HECW2: variants seen among roughly 807,000 people sequenced by gnomAD.
HECW2 encodes E3 ubiquitin-protein ligase HECW2.
Under a neutral mutation model 175.2 loss-of-function variants are expected in HECW2, and 61 were observed. That is an observed-to-expected ratio of 0.35 (90% CI 0.28 to 0.43). The LOEUF (loss-of-function observed/expected upper bound fraction) is 0.43, where lower values mean the gene tolerates loss of function less well. Ranked by LOEUF, HECW2 falls within the 20% of genes least tolerant of loss-of-function variation. HECW2 has a pLI of 1.00. For synonymous variants in HECW2, 671 were observed against 731.0 expected, an observed-to-expected ratio of 0.92 and a Z score of 1.32; for missense variants, 1,524 against 2,000.5, an observed-to-expected ratio of 0.76 and a Z score of 4.54.
At chr2:196,448,482 C>T (rs1244305293) in intron 1 of HECW2, among the ~76,000 whole-genome samples, 1 of 152,152 alleles carries the variant, frequency 6.6e-6, no homozygotes, top group Non-Finnish European at 1.5e-5. Context: ...AAAGCTATAT[C>T]ATATGGAACC....
chr2:196,482,525 C>T (rs1686876054), intron 1 of HECW2, among the ~76,000 whole-genome samples: 1 of 152,176 alleles, frequency 6.6e-6, no homozygotes, highest in African/African-American at 2.4e-5. Flanking sequence ...CTACAAGATA[C>T]CACAGGGTAT....
intron 10 of HECW2, among the ~76,000 whole-genome samples, chr2:196,309,568 C>T (rs758051951): frequency 6.6e-5 from 10 of 151,782 alleles, no homozygotes; most frequent in Non-Finnish European, 1.2e-4. Flanking sequence ...CACTGTTTTG[C>T]TCTGCTCCTT....
Position 196,547,103 on chromosome 2 carries a change from T to C in HECW2, c.-36+46405A>G, listed in dbSNP as rs140906128. Among the ~76,000 whole-genome samples the C allele has an allele frequency of 2.0e-5, 3 of 152,352 alleles. No individual in the cohort carries two copies. The East Asian group carries it at 5.8e-4, about 29-fold the overall frequency. ...GTCTCTTAAAGTTTTCAGCTATCTTTACCTCTAGTAAAGAGCTGAGGTTCT... is the reference window on the plus strand; with the variant it reads ...GTCTCTTAAAGTTTTCAGCTATCTTCACCTCTAGTAAAGAGCTGAGGTTCT... On this transcript the variant is annotated intron_variant, in intron 1 of 28. Transcript: ENST00000644978.
At chr2:196,388,503 T>TG (rs1694416074) in intron 2 of HECW2, among the ~76,000 whole-genome samples, 1 of 152,152 alleles carries the variant, frequency 6.6e-6, no homozygotes, top group African/African-American at 2.4e-5. Context: ...ATGTTACCTG[T>TG]GGGGGAAACT....
intron 1 of HECW2, among the ~76,000 whole-genome samples, chr2:196,520,091 G>A (rs1253857634): frequency 2.0e-5 from 3 of 152,174 alleles, no homozygotes; most frequent in Non-Finnish European, 4.4e-5. Flanking sequence ...AACTGAAAAA[G>A]GGTATTTATG....
At chr2:196,375,171 G>A (rs7419740) in intron 2 of HECW2, among the ~76,000 whole-genome samples, 14 of 148,790 alleles carry the variant, frequency 9.4e-5, no homozygotes, top group African/African-American at 1.5e-4. Flanking sequence ...AAAAAAAAAA[G>A]AAAGAAAAAA....
At chr2:196,279,074 A>G (rs1166234222) in intron 14 of HECW2, among the ~76,000 whole-genome samples, 1 of 151,732 alleles carries the variant, frequency 6.6e-6, no homozygotes, top group Non-Finnish European at 1.5e-5. Flanking sequence ...TTTGAGACGG[A>G]GTCTCGCTCT....
intron 1 of HECW2, among the ~76,000 whole-genome samples, chr2:196,554,398 G>C (rs1268798712): frequency 3.3e-5 from 5 of 152,156 alleles, no homozygotes; most frequent in Non-Finnish European, 4.4e-5. Flanking sequence ...GCTCATCATC[G>C]TATTGATGTT....
intron 17 of HECW2, among the ~76,000 whole-genome samples, chr2:196,265,188 A>G (rs932670952): frequency 7.2e-5 from 11 of 152,174 alleles, no homozygotes; most frequent in African/African-American, 2.7e-4. Flanking sequence ...ACAAATTAAT[A>G]GTTGAATTAA....
At chr2:196,238,839 C>T (rs931500559) in intron 21 of HECW2, 7 of 152,196 alleles carry the variant, frequency 4.6e-5, no homozygotes, top group Non-Finnish European at 1.0e-4. Context: ...TTAATCCACA[C>T]CATGAGGAGA....
intron 1 of HECW2, among the ~76,000 whole-genome samples, chr2:196,462,556 C>A (rs1157821175): frequency 2.0e-5 from 3 of 152,120 alleles, no homozygotes; most frequent in African/African-American, 7.2e-5. Context: ...AGAAACATAA[C>A]CAAAACAGGT....
chr2:196,211,157 AT>A (rs1377482527), intron 28 of HECW2, among the ~76,000 whole-genome samples: 1 of 151,544 alleles, frequency 6.6e-6, no homozygotes, highest in Non-Finnish European at 1.5e-5. Context: ...CCCCATGACG[AT>A]TGCAGCTCTC....
chr2:196,473,284 C>A (rs1282226461), intron 1 of HECW2, among the ~76,000 whole-genome samples: 1 of 152,188 alleles, frequency 6.6e-6, no homozygotes, highest in Non-Finnish European at 1.5e-5. Flanking sequence ...AATATTGGAA[C>A]TATGTGTTTT....
At chr2:196,365,580 G>T (rs543312255) in intron 2 of HECW2, among the ~76,000 whole-genome samples, 1 of 152,046 alleles carries the variant, frequency 6.6e-6, no homozygotes, top group Non-Finnish European at 1.5e-5. Context: ...TGTTTCAATG[G>T]GAATACACAT....
chr2:196,234,131 C>T (rs1688154943), intron 21 of HECW2, among the ~76,000 whole-genome samples: 1 of 152,138 alleles, frequency 6.6e-6, no homozygotes, highest in Non-Finnish European at 1.5e-5. Context: ...AAGAAAGGTG[C>T]CTTTTACAGG....
intron 1 of HECW2, among the ~76,000 whole-genome samples, chr2:196,578,331 A>G (rs530770225): frequency 6.6e-6 from 1 of 152,166 alleles, no homozygotes; most frequent in African/African-American, 2.4e-5. Flanking sequence ...GAATAGAAAG[A>G]AAAAGAACAA....
At chr2:196,252,863 C>G (rs772706825) in intron 19 of HECW2, among the ~76,000 whole-genome samples, 1 of 151,916 alleles carries the variant, frequency 6.6e-6, no homozygotes, top group African/African-American at 2.4e-5. Context: ...AATACCCCAT[C>G]CCCAGCCCTG....
chr2:196,204,671 T>C (rs1431542517), intron 28 of HECW2, among the ~76,000 whole-genome samples: 3 of 152,224 alleles, frequency 2.0e-5, no homozygotes, highest in African/African-American at 7.2e-5. Flanking sequence ...ATCATAAATG[T>C]GTGTTGTTTT....
chr2:196,485,131 C>A (rs1323497766), intron 1 of HECW2, among the ~76,000 whole-genome samples: 1 of 152,058 alleles, frequency 6.6e-6, no homozygotes, highest in Non-Finnish European at 1.5e-5. Context: ...AGAGTGGGAT[C>A]ACAAGAGAAA....
Sources: allele counts gnomAD v4.1 joint callset (sites outside exome capture counted in the v4.1 genomes callset), GRCh38; gene constraint gnomAD v4.1.1; transcripts MANE v1.5; gene names NCBI Gene and HGNC (gene_info 2026-07-23, HGNC 2026-07-21).